The following SLF2 variants were observed in gnomAD, a reference collection of about 807,000 sequenced individuals.
SLF2 encodes SMC5/6 complex localization factor 2, also known as SMC5-SMC6 complex localization factor protein 2.
Under a neutral mutation model 124.3 loss-of-function variants are expected in SLF2, and 68 were observed. The observed-to-expected ratio is 0.55, with a 90% CI of 0.45 to 0.67. The LOEUF is 0.67. SLF2 is among the 30% of genes least tolerant of loss of function. The pLI is 0.00. For synonymous variants in SLF2, 480 were observed against 478.8 expected (o/e 1.00, Z -0.03); for missense variants, 1,246 against 1,373.7 (o/e 0.91, Z 1.47).
At chr10:100,916,523 A>G in intron 2 of SLF2, 47 bp from the exon 3 acceptor site, 1 of 1,258,796 alleles carries the variant, frequency 7.9e-7, no homozygotes, top group African/African-American at 1.6e-5. Flanking sequence ...TAAATATTAA[A>G]TATTTTACTA....
chr10:100,937,586 A>C, intron 10 of SLF2, 109 bp downstream of exon 10: 1 of 766,264 alleles, frequency 1.3e-6, no homozygotes, highest in East Asian at 2.7e-5. Context: ...ACAATACAAA[A>C]TTATTTTTCT....
intron 18 of SLF2, among the ~76,000 whole-genome samples, chr10:100,957,330 ATTTTTTT>A (rs71013477): frequency 0.041 from 3,733 of 91,696 alleles, 287 homozygotes; most frequent in Non-Finnish European, 0.052. Flanking sequence ...GGAGTCTTCA[ATTTTTTT>A]TTTTTTTTTT....
In SLF2 at chr10:100,950,075, G is replaced by A; in HGVS notation, c.3121-1G>A. ...TCAATGTCTCCTCTTTCTTTTGATA[G>A]GTATCAGTCCTACATCGCTATCTTG... is the stretch of plus-strand genomic sequence containing the variant. On this transcript the variant is annotated splice_acceptor_variant, in intron 15 of 19. Transcript: ENST00000238961. LOFTEE classifies it high-confidence loss of function. 1 of 1,565,542 alleles carries A rather than the reference G, an allele frequency of 6.4e-7. No homozygotes were observed. Among genetic ancestry groups the A allele is most frequent in the Non-Finnish European group, 8.7e-7 (1 of 1,155,340 alleles).
intron 6 of SLF2, 119 bp downstream of exon 6, chr10:100,926,138 G>A (rs764970664): frequency 6.4e-7 from 1 of 1,572,414 alleles, no homozygotes; most frequent in Non-Finnish European, 8.6e-7. Flanking sequence ...GGACTCTGTT[G>A]TCAACTGTGT....
At chr10:100,954,896 T>G (rs1231636093) in intron 17 of SLF2, among the ~76,000 whole-genome samples, 2 of 151,824 alleles carry the variant, frequency 1.3e-5, no homozygotes, top group African/African-American at 4.8e-5. Flanking sequence ...CAGTGAGCTA[T>G]GATCCCACCA....
At chr10:100,920,965 TAAAAA>T (rs1849514449) in intron 4 of SLF2, among the ~76,000 whole-genome samples, 1 of 152,008 alleles carries the variant, frequency 6.6e-6, no homozygotes, top group African/African-American at 2.4e-5. Flanking sequence ...AATAAATAAA[TAAAAA>T]TAAAAATCCA....
chr10:100,923,229 T>C (rs1172716126), intron 4 of SLF2, among the ~76,000 whole-genome samples: 1 of 152,218 alleles, frequency 6.6e-6, no homozygotes, highest in Non-Finnish European at 1.5e-5. Context: ...ACAGGAATTA[T>C]TGTTTCACAG....
intron 11 of SLF2, among the ~76,000 whole-genome samples, chr10:100,940,075 T>G (rs968049886): frequency 1.3e-5 from 2 of 152,240 alleles, no homozygotes; most frequent in Non-Finnish European, 2.9e-5. Flanking sequence ...TACCACAAGT[T>G]TCTGCATAAT....
At chr10:100,961,795 G>A in intron 19 of SLF2, 82 bp from the exon 20 acceptor site, 1 of 1,185,762 alleles carries the variant, frequency 8.4e-7, no homozygotes, top group East Asian at 2.4e-5. Flanking sequence ...CCCATTGTCT[G>A]ATGATTAGTA....
intron 18 of SLF2, among the ~76,000 whole-genome samples, chr10:100,958,698 A>G (rs1286292507): frequency 1.3e-5 from 2 of 152,246 alleles, no homozygotes; most frequent in East Asian, 3.8e-4. Context: ...TGAACTGTAG[A>G]TGAAGAAAAA....
intron 13 of SLF2, among the ~76,000 whole-genome samples, chr10:100,946,711 C>T (rs747379761): frequency 6.6e-6 from 1 of 152,146 alleles, no homozygotes; most frequent in Non-Finnish European, 1.5e-5. Flanking sequence ...TCTTGTACAG[C>T]TCTCATACAC....
chr10:100,924,480 T>A lies in SLF2; in HGVS notation c.1479T>A (p.Asn493Lys), dbSNP rs145161868. The A allele has an allele frequency of 1.6e-5, 26 of 1,614,146 alleles. No individual in the cohort carries two copies. Among genetic ancestry groups the A allele is most frequent in the Non-Finnish European group, 2.2e-5 (26 of 1,180,016 alleles). ...CTCTAGTACCATTAAATGCTAAAAA[T>A]TGTGCTCTTCCAGTTTCTAAAAAAG... ...GSSLVPLNAK[N>K]CALPVSKKDK... The change falls in exon 5 of 20, where the codon AAT becomes AAA. Residue 493 changes from asparagine to lysine, a missense_variant. Physicochemically the swap from Asn to Lys is moderately conservative, Grantham distance 94. Coordinates refer to ENST00000238961, the MANE Select transcript of SLF2 (RefSeq NM_018121.4).
Position 100,924,261 on chromosome 10 carries a change from C to G in SLF2, c.1260C>G (p.Thr420=). The G allele has an allele frequency of 1.2e-6, 2 of 1,614,118 alleles. No homozygotes were observed. The highest frequency in any genetic ancestry group is 1.7e-6 in the Non-Finnish European group (2 of 1,180,026). Residue 420 remains threonine (T), a synonymous_variant, in exon 5 of 20, where the codon ACC becomes ACG. Coordinates refer to ENST00000238961, the MANE Select transcript of SLF2 (RefSeq NM_018121.4). ...CTGGCAATTCTGGCCACCATTCTACCAGGAATAGTGACCAAATCCAAGTGG... is the reference window on the plus strand; with the variant it reads ...CTGGCAATTCTGGCCACCATTCTACGAGGAATAGTGACCAAATCCAAGTGG... ...SNSGNSGHHS[T]RNSDQIQVAG... is the part of the protein sequence containing the mutation.
chr10:100,917,415 A>C lies in SLF2; in HGVS notation c.915+115A>C. The C allele has an allele frequency of 2.6e-6, 3 of 1,170,856 alleles. 1 individual carries two copies. The South Asian group carries it at 5.1e-5, about 20-fold the overall frequency. The allele number at this position is 1,170,856 out of a possible 1,614,324, so 72.5% of individuals were successfully genotyped here. A position where few individuals can be genotyped will look rare whatever the true frequency, so the allele number is the denominator to read the frequency against. On this transcript the variant is annotated intron_variant, in intron 3 of 19. Coordinates refer to ENST00000238961, the MANE Select transcript of SLF2 (RefSeq NM_018121.4). ...CATTGACGTCTTTCCTGAAGGAAAT[A>C]CTTATGCACAGTTTGTGTAGAAGCT...
chr10:100,915,737 A>T (rs1849401360), intron 1 of SLF2, among the ~76,000 whole-genome samples: 1 of 152,224 alleles, frequency 6.6e-6, no homozygotes, highest in African/African-American at 2.4e-5. Flanking sequence ...TTGGGTCTAC[A>T]CACCAGTCTG....
rs1849997562 is a variant in SLF2 at position 100,942,355 on chromosome 10, A to G, written c.2655-1671A>G. Among the ~76,000 whole-genome samples the G allele has an allele frequency of 5.3e-5, 8 of 152,196 alleles. No individual in the cohort carries two copies. The South Asian group carries it at 1.7e-3, about 32-fold the overall frequency. ...CTAGAATGGCTCACAGAACTCAGGAAAGCAGTTTACTTACTATTATTGGTT... is the reference window on the plus strand; with the variant it reads ...CTAGAATGGCTCACAGAACTCAGGAGAGCAGTTTACTTACTATTATTGGTT... On this transcript the variant is annotated intron_variant, in intron 11 of 19. Coordinates refer to ENST00000238961, the MANE Select transcript of SLF2 (RefSeq NM_018121.4).
chr10:100,928,654 A>G (rs1849664527), intron 6 of SLF2, among the ~76,000 whole-genome samples: 5 of 151,926 alleles, frequency 3.3e-5, no homozygotes, highest in African/African-American at 1.2e-4. Context: ...CTAGAGCTAG[A>G]CTCTCTCGCT....
In SLF2 at chr10:100,944,079, A is replaced by C. The variant is rs1850037897; in HGVS notation, c.2708A>C (p.Lys903Thr). The C allele has an allele frequency of 6.2e-7, 1 of 1,612,990 alleles. No individual in the cohort carries two copies. Among genetic ancestry groups the C allele is most frequent in the African/African-American group, 1.3e-5 (1 of 74,846 alleles). ...RGKESEDSSY[K>T]PIFSTLPETN... ...AAAGAAAGTGAAGATTCATCTTATA[A>C]GCCAATTTTTTCAACACTTCCTGAA... The change falls in exon 12 of 20, where the codon AAG becomes ACG. Residue 903 changes from lysine to threonine, a missense_variant. Around this residue, in one of 3 missense-constraint regions of SLF2, gnomAD observed 535 missense variants for 632.8 expected, o/e 0.85. Coordinates refer to ENST00000238961, the MANE Select transcript of SLF2 (RefSeq NM_018121.4).
At chr10:100,946,759 T>C (rs577461593) in intron 13 of SLF2, among the ~76,000 whole-genome samples, 3 of 152,230 alleles carry the variant, frequency 2.0e-5, no homozygotes, top group Non-Finnish European at 4.4e-5. Context: ...CAAGAAGGAC[T>C]GTTTAAATAT....
Sources: gnomAD v4.1 joint callset for allele counts (sites outside exome capture counted in the v4.1 genomes callset) on GRCh38, gnomAD v4.1.1 for gene constraint, gnomAD v4.1.1 regional missense constraint, MANE v1.5 for transcripts, NCBI Gene and HGNC (gene_info 2026-07-23, HGNC 2026-07-21) for gene names.